PACRGL: variants seen among roughly 807,000 people sequenced by gnomAD.
PACRGL encodes parkin coregulated like, also known as PACRG-like protein.
Under a neutral mutation model 34.5 loss-of-function variants are expected in PACRGL, and 38 were observed. The ratio of observed to expected loss-of-function variants is 1.10; its 90% CI spans 0.85 to 1.44. PACRGL has a LOEUF of 1.44. PACRGL is among the 40% of genes most tolerant of loss of function. The probability of loss-of-function intolerance (pLI) is 0.00; values close to 1 mark genes in which losing one functional copy is unlikely to be tolerated. For synonymous variants in PACRGL, 128 were observed against 100.1 expected (o/e 1.28, Z -1.66); for missense variants, 305 against 281.4 (o/e 1.08, Z -0.60).
At chr4:20,747,876 C>A (rs1752701576) in intron 8 of PACRGL, among the ~76,000 whole-genome samples, 1 of 152,170 alleles carries the variant, frequency 6.6e-6, no homozygotes, top group Non-Finnish European at 1.5e-5. Context: ...CTTGACTCCA[C>A]AAAGCCATTT....
Position 20,730,139 on chromosome 4 carries a change from A to G in PACRGL, c.*2798A>G. Reference sequence around the variant, plus strand: ...GCATTATGTTTTCATCCTGTAAGGGAGAAACACAGAGCGATTAAATTCAGC... The same window carrying G: ...GCATTATGTTTTCATCCTGTAAGGGGGAAACACAGAGCGATTAAATTCAGC... On this transcript the variant is annotated 3_prime_UTR_variant, in exon 9 of 9. Coordinates refer to ENST00000503585, the MANE Select transcript of PACRGL (RefSeq NM_001258345.3). The G allele has an allele frequency of 3.1e-6, 5 of 1,602,516 alleles. No individual in the cohort carries two copies. Among genetic ancestry groups the G allele is most frequent in the African/African-American group, 1.3e-5 (1 of 74,606 alleles).
At chr4:20,718,160 G>A (rs926837419) in intron 7 of PACRGL, among the ~76,000 whole-genome samples, 5 of 152,154 alleles carry the variant, frequency 3.3e-5, no homozygotes, top group Non-Finnish European at 7.3e-5. Flanking sequence ...AAGAATGCTT[G>A]TGATTTTTGC....
Position 20,729,632 on chromosome 4 carries a change from C to CTGGA in PACRGL, c.*2291_*2292insTGGA. 6.6e-6 allele frequency: 1 copy of CTGGA among 151,382 alleles called. No homozygotes were observed. The highest frequency in any genetic ancestry group is 2.4e-5 in the African/African-American group (1 of 40,904). 9.4% of individuals were successfully genotyped at this position (151,382 alleles called of 1,614,324 possible). ...TATAAATGGAATTTAAATGGAATTA[C>CTGGA]AGCATTCAAACATGAAAATTAATTT... On this transcript the variant is annotated 3_prime_UTR_variant, in exon 9 of 9. Transcript: ENST00000503585.
In PACRGL at chr4:20,700,472, A is replaced by G. The variant is rs1452168209; in HGVS notation, c.-332A>G. On this transcript the variant is annotated 5_prime_UTR_variant, in exon 1 of 9. Coordinates refer to ENST00000503585, the MANE Select transcript of PACRGL (RefSeq NM_001258345.3). ...CGCGGAGCCTCATTTCCCCAAACGC[A>G]GGCGCTCGGTGGCGGTAGCCGCGGT... 1.3e-5 allele frequency: 2 copies of G among 152,038 alleles called. No homozygotes were observed. Among genetic ancestry groups the G allele is most frequent in the African/African-American group, 2.4e-5 (1 of 41,444 alleles). The allele number at this position is 152,038 out of a possible 1,614,324, so 9.4% of individuals were successfully genotyped here. A position where few individuals can be genotyped will look rare whatever the true frequency, so the allele number is the denominator to read the frequency against.
downstream of PACRGL, chr4:20,734,656 A>G: frequency 1.3e-5 from 21 of 1,584,838 alleles, no homozygotes; most frequent in Non-Finnish European, 1.8e-5. Context: ...ATCTTTATTT[A>G]TGTCATACAG....
downstream of PACRGL, among the ~76,000 whole-genome samples, chr4:20,757,112 A>G (rs112477091): frequency 2.6e-5 from 4 of 152,218 alleles, no homozygotes; most frequent in Admixed American, 2.0e-4. Context: ...CCTCCTGTAA[A>G]GAGTCACCTG....
intron 7 of PACRGL, among the ~76,000 whole-genome samples, chr4:20,714,749 G>A (rs1221644681): frequency 6.6e-6 from 1 of 152,086 alleles, no homozygotes; most frequent in East Asian, 1.9e-4. Context: ...AATTAGAATG[G>A]CAGTCATTAA....
chr4:20,713,200 C>A, intron 6 of PACRGL: 1 of 566,724 alleles, frequency 1.8e-6, no homozygotes, highest in Non-Finnish European at 3.1e-6. Context: ...CTGTATGCTA[C>A]ATATATTTTA....
chr4:20,710,287 AAAAC>A (rs2149085274), intron 5 of PACRGL, among the ~76,000 whole-genome samples: 1 of 152,292 alleles, frequency 6.6e-6, no homozygotes, highest in Admixed American at 6.5e-5. Flanking sequence ...TATTTTAAAA[AAAAC>A]TTTTGATAGC....
Position 20,721,643 on chromosome 4 carries a change from A to G in PACRGL, c.610-3165A>G, listed in dbSNP as rs191525478. ...CAGTGGAGGCTGCAGAACAGCGAAT[A>G]TTGCTGAACAGCAAATGTTGCTGCC... On this transcript the variant is annotated intron_variant, in intron 7 of 8. Transcript: ENST00000503585. Among the ~76,000 whole-genome samples, 17 of 152,184 alleles carry G rather than the reference A, an allele frequency of 1.1e-4. No homozygotes were observed. The East Asian group carries it at 3.3e-3, about 29-fold the overall frequency.
upstream of PACRGL, among the ~76,000 whole-genome samples, chr4:20,698,946 G>A (rs528727281): frequency 5.5e-4 from 84 of 152,290 alleles, no homozygotes; most frequent in African/African-American, 1.9e-3. Flanking sequence ...AGGAAATTGA[G>A]GCTTGTAGGA....
chr4:20,712,644 A>G (rs1212966380), intron 5 of PACRGL, 144 bp from the exon 6 acceptor site: 14 of 807,760 alleles, frequency 1.7e-5, no homozygotes, highest in Middle Eastern at 3.0e-4. Context: ...TGTAATTGAA[A>G]TTGTAACTAC....
At chr4:20,716,904 G>A (rs189417142) in intron 7 of PACRGL, among the ~76,000 whole-genome samples, 903 of 152,250 alleles carry the variant, frequency 5.9e-3, no homozygotes, top group Middle Eastern at 0.017. Flanking sequence ...TTGAGGAATC[G>A]CCACACTGTC....
At chr4:20,758,375 C>T in the PACRGL span, among the ~76,000 whole-genome samples, 3 of 152,168 alleles carry the variant, frequency 2.0e-5, no homozygotes, top group African/African-American at 7.2e-5. Context: ...TAACCCAGAT[C>T]TGCCACTGAG....
At chr4:20,741,802 A>T (rs561364365) in intron 8 of PACRGL, among the ~76,000 whole-genome samples, 111 of 152,330 alleles carry the variant, frequency 7.3e-4, no homozygotes, top group African/African-American at 2.6e-3. Context: ...GAAAAGATCA[A>T]CAAAATTGAT....
the PACRGL span, among the ~76,000 whole-genome samples, chr4:20,762,561 A>C: frequency 6.6e-6 from 1 of 152,212 alleles, no homozygotes; most frequent in African/African-American, 2.4e-5. Flanking sequence ...TCTTCTGTGC[A>C]GTGATCTCTC....
At chr4:20,710,302 T>C (rs1213816252) in intron 5 of PACRGL, among the ~76,000 whole-genome samples, 1 of 152,166 alleles carries the variant, frequency 6.6e-6, no homozygotes, top group Non-Finnish European at 1.5e-5. Flanking sequence ...TTTTGATAGC[T>C]TCCTTTATAT....
downstream of PACRGL, among the ~76,000 whole-genome samples, chr4:20,756,037 A>G (rs1337892004): frequency 1.3e-5 from 2 of 152,126 alleles, no homozygotes; most frequent in African/African-American, 2.4e-5. Context: ...CTTGCATTTT[A>G]ACGGGATCAC....
intron 8 of PACRGL, among the ~76,000 whole-genome samples, chr4:20,737,850 G>C (rs1391854380): frequency 1.3e-5 from 2 of 152,250 alleles, no homozygotes; most frequent in East Asian, 3.8e-4. Flanking sequence ...ACAACCAGCA[G>C]GCTGGGGATC....
Sources: gnomAD v4.1 joint callset for allele counts (sites outside exome capture counted in the v4.1 genomes callset) on GRCh38, gnomAD v4.1.1 for gene constraint, MANE v1.5 for transcripts, NCBI Gene and HGNC (gene_info 2026-07-23, HGNC 2026-07-21) for gene names.